The following MBTD1 variants were observed in gnomAD, a reference collection of about 807,000 sequenced individuals.
MBTD1 encodes the protein mbt domain containing 1.
In MBTD1, 24 loss-of-function variants were observed where a neutral mutation model predicts 87.8. The ratio of observed to expected loss-of-function variants is 0.27; its 90% CI spans 0.20 to 0.38. The LOEUF (loss-of-function observed/expected upper bound fraction) is 0.38. MBTD1 is among the 10% of genes least tolerant of loss of function. MBTD1 has a pLI of 1.00. For synonymous variants in MBTD1, 237 were observed against 248.6 expected, an observed-to-expected ratio of 0.95 and a Z score of 0.44; for missense variants, 436 against 760.2, an observed-to-expected ratio of 0.57 and a Z score of 5.02.
At chr17:51,226,284 G>A (rs1409276550) in intron 2 of MBTD1, among the ~76,000 whole-genome samples, 1 of 151,696 alleles carries the variant, frequency 6.6e-6, no homozygotes, top group South Asian at 2.1e-4. Flanking sequence ...GGCCGAGGTG[G>A]TCAGAGGAGT....
upstream of MBTD1, chr17:51,260,494 C>CG: frequency 7.1e-7 from 1 of 1,402,240 alleles, no homozygotes; most frequent in Non-Finnish European, 9.5e-7. Flanking sequence ...TTCCGGCCCC[C>CG]GGGGCTTCGG....
chr17:51,246,783 G>A (rs890379543), intron 2 of MBTD1, among the ~76,000 whole-genome samples: 2 of 151,914 alleles, frequency 1.3e-5, no homozygotes, highest in African/African-American at 4.8e-5. Context: ...CTACAGGCAC[G>A]TATCACCACA....
chr17:51,192,523 C>T lies in MBTD1; in HGVS notation c.1691-243G>A, dbSNP rs527313655. ...CTTTTAGTATGTAATTTTTAACTCA[C>T]TAAAATAGTAAGTCTAGTTTAATTT... On this transcript the variant is annotated intron_variant, in intron 15 of 16. Coordinates refer to ENST00000586178, the MANE Select transcript of MBTD1 (RefSeq NM_017643.3). 74 of 677,754 alleles carry T rather than the reference C, an allele frequency of 1.1e-4. No homozygotes were observed. In the African/African-American group the frequency reaches 1.2e-3, roughly 11 times the overall value. The allele number at this position is 677,754 out of a possible 1,614,324, so 42.0% of individuals were successfully genotyped here.
At chr17:51,181,144 G>A (rs1411779371) in intron 16 of MBTD1, among the ~76,000 whole-genome samples, 1 of 148,236 alleles carries the variant, frequency 6.7e-6, no homozygotes, top group East Asian at 2.0e-4. Flanking sequence ...CCTCAGCACC[G>A]CCCCCCCAAG....
rs1440080329 is a variant in MBTD1, at chr17:51,180,771, G to A, written c.1769-77C>T. 1.7e-5 allele frequency: 13 copies of A among 761,244 alleles called. No individual in the cohort carries two copies. The East Asian group carries it at 2.2e-4, about 13-fold the overall frequency. 47.2% of individuals were successfully genotyped at this position (761,244 alleles called of 1,614,324 possible). ...GGATTGCCTGTGATCTTCGTGTTCC[G>A]TCAGCTTTACAGTTATTAAGACTTC... On this transcript the variant is annotated intron_variant, in intron 16 of 16. Transcript: ENST00000586178.
chr17:51,219,254 G>A (rs1274005049), intron 4 of MBTD1, among the ~76,000 whole-genome samples: 1 of 152,100 alleles, frequency 6.6e-6, no homozygotes, highest in Non-Finnish European at 1.5e-5. Flanking sequence ...AGCAGAGCTG[G>A]CATAGACTAC....
At chr17:51,188,753 G>GTTTTTT (rs767959315) in intron 16 of MBTD1, among the ~76,000 whole-genome samples, 8 of 108,882 alleles carry the variant, frequency 7.3e-5, no homozygotes, top group East Asian at 2.5e-4. Context: ...ATTCAAATAG[G>GTTTTTT]TTTTTTTTTT....
At chr17:51,182,050 A>G (rs995254658) in intron 16 of MBTD1, among the ~76,000 whole-genome samples, 1 of 151,726 alleles carries the variant, frequency 6.6e-6, no homozygotes, top group African/African-American at 2.4e-5. Flanking sequence ...TTCTTTCCCA[A>G]CTTCTTTAGC....
intron 2 of MBTD1, among the ~76,000 whole-genome samples, chr17:51,249,219 C>T (rs1295862408): frequency 6.6e-6 from 1 of 151,984 alleles, no homozygotes; most frequent in Non-Finnish European, 1.5e-5. Context: ...GTGATCATGC[C>T]ACTGTACTGC....
At chr17:51,245,626 C>T (rs1010810527) in intron 2 of MBTD1, among the ~76,000 whole-genome samples, 2 of 151,848 alleles carry the variant, frequency 1.3e-5, no homozygotes, top group African/African-American at 4.8e-5. Flanking sequence ...AAATGTCCAT[C>T]TTTATCTCAG....
At chr17:51,197,510 TTTTTC>T (rs1309081723) in intron 12 of MBTD1, among the ~76,000 whole-genome samples, 2 of 151,542 alleles carry the variant, frequency 1.3e-5, no homozygotes, top group African/African-American at 2.4e-5. Context: ...CTACTCTTAA[TTTTTC>T]TTTTCTTTTT....
chr17:51,197,974 T>G (rs2051233073), intron 12 of MBTD1, among the ~76,000 whole-genome samples: 2 of 152,154 alleles, frequency 1.3e-5, no homozygotes. Context: ...GATGACCTCA[T>G]CCACCCCAGT....
intron 1 of MBTD1, among the ~76,000 whole-genome samples, chr17:51,259,610 A>G (rs547371082): frequency 3.0e-4 from 44 of 147,884 alleles, no homozygotes; most frequent in African/African-American, 1.1e-3. Flanking sequence ...GGTGGAGGAG[A>G]TGGAGAGAAC....
intron 2 of MBTD1, chr17:51,250,318 C>CT (rs1310513358): frequency 6.6e-6 from 1 of 152,120 alleles, no homozygotes; most frequent in Non-Finnish European, 1.5e-5. Context: ...TGGTTTTAAT[C>CT]TTAGTTCAAA....
At position 51,203,631 on chromosome 17, in the gene MBTD1, A is replaced by T. The variant is rs774207083; in HGVS notation, c.739+160T>A. ...AGGCTGGTCTCAAACTCCTGACCTC[A>T]AGTGATCCGACTGCCTTGGCCTCCC... On this transcript the variant is annotated intron_variant, in intron 8 of 16. Transcript: ENST00000586178. Among the ~76,000 whole-genome samples, 18 of 152,322 alleles carry T rather than the reference A, an allele frequency of 1.2e-4. 1 individual carries two copies. Among genetic ancestry groups the T allele is most frequent in the Middle Eastern group, 6.8e-3 (2 of 294 alleles).
intron 2 of MBTD1, among the ~76,000 whole-genome samples, chr17:51,231,813 T>G (rs1598395593): frequency 6.6e-6 from 1 of 152,124 alleles, no homozygotes; most frequent in East Asian, 1.9e-4. Context: ...AAGTGATTTT[T>G]TTTTTTGTAC....
At chr17:51,253,936 G>A (rs1238534280) in intron 2 of MBTD1, among the ~76,000 whole-genome samples, 1 of 152,092 alleles carries the variant, frequency 6.6e-6, no homozygotes, top group Non-Finnish European at 1.5e-5. Context: ...TTAAATGCAG[G>A]TGTCAATAAA....
At chr17:51,200,690 C>T (rs2051427627) in intron 12 of MBTD1, among the ~76,000 whole-genome samples, 1 of 151,130 alleles carries the variant, frequency 6.6e-6, no homozygotes, top group Admixed American at 6.6e-5. Context: ...ATGGTGAAAT[C>T]CCATCTCTAC....
At position 51,179,486 on chromosome 17, in the gene MBTD1, A is replaced by ATATT. The variant is rs2050205075; in HGVS notation, c.*1089_*1090insAATA. 3 of 15,024 alleles carry ATATT rather than the reference A, an allele frequency of 2.0e-4. No homozygotes were observed. Among genetic ancestry groups the ATATT allele is most frequent in the Non-Finnish European group, 4.1e-4 (3 of 7,316 alleles). 0.9% of individuals were successfully genotyped at this position (15,024 alleles called of 1,614,324 possible). A position where few individuals can be genotyped will look rare whatever the true frequency, so the allele number is the denominator to read the frequency against. On this transcript the variant is annotated 3_prime_UTR_variant, in exon 17 of 17. Coordinates refer to ENST00000586178, the MANE Select transcript of MBTD1 (RefSeq NM_017643.3). Reference sequence around the variant, plus strand: ...CCTGAATACAATTAAAGACAATTTTATATATATATATATATATATATATAT... The same window carrying ATATT: ...CCTGAATACAATTAAAGACAATTTTATATTTATATATATATATATATATATATAT...
Sources: gnomAD v4.1 joint callset for allele counts (sites outside exome capture counted in the v4.1 genomes callset) on GRCh38, gnomAD v4.1.1 for gene constraint, MANE v1.5 for transcripts, NCBI Gene and HGNC (gene_info 2026-07-23, HGNC 2026-07-21) for gene names.